CSMD1: variants seen among roughly 807,000 people sequenced by gnomAD.
CSMD1 encodes the protein CUB and sushi domain-containing protein 1.
CSMD1 carries 213 observed loss-of-function variants against 417.5 expected under a neutral mutation model. The observed-to-expected ratio is 0.51, with a 90% confidence interval of 0.46 to 0.57. The LOEUF is 0.57. Ranked by LOEUF, CSMD1 falls within the 20% of genes least tolerant of loss-of-function variation. The pLI is 0.00. For synonymous variants in CSMD1, 2,862 were observed against 1,736.8 expected (o/e 1.65, Z -16.11); for missense variants, 6,923 against 4,529.7 (o/e 1.53, Z -15.17).
intron 7 of CSMD1, among the ~76,000 whole-genome samples, chr8:3,627,463 T>A (rs949148760): frequency 1.3e-5 from 2 of 152,232 alleles, no homozygotes; most frequent in African/African-American, 2.4e-5. Context: ...CTATGTAGGT[T>A]ATTTAAAGTC....
intron 50 of CSMD1, among the ~76,000 whole-genome samples, chr8:3,041,014 A>G (rs1377120528): frequency 6.6e-6 from 1 of 152,120 alleles, no homozygotes; most frequent in African/African-American, 2.4e-5. Flanking sequence ...ATTGCAAAGC[A>G]TTTTTCTTCA....
Position 4,201,887 on chromosome 8 carries a change from T to TGG in CSMD1, c.416-169790_416-169789dup, listed in dbSNP as rs5741962. On this transcript the variant is annotated intron_variant, in intron 3 of 69. Transcript: ENST00000635120. The stretch of plus-strand genomic sequence containing the variant: ...TGATGACCATTATACATGGAAATTT[T>TGG]GGGGGGGGGGGGCGCTGCATTCATT... Among the ~76,000 whole-genome samples, 1,065 of 127,352 alleles carry TGG rather than the reference T, an allele frequency of 8.4e-3. 30 individuals carry two copies. Among genetic ancestry groups the TGG allele is most frequent in the African/African-American group, 0.028 (761 of 27,528 alleles). The allele number at this position is 127,352 out of a possible 152,430, so 83.5% of individuals were successfully genotyped here.
chr8:3,761,744 G>C (rs1033144118), intron 5 of CSMD1, among the ~76,000 whole-genome samples: 7 of 152,036 alleles, frequency 4.6e-5, no homozygotes, highest in African/African-American at 1.7e-4. Flanking sequence ...GATCTCAGGT[G>C]ATCCATCTGC....
chr8:4,232,940 C>G (rs1057388771), intron 3 of CSMD1, among the ~76,000 whole-genome samples: 1 of 152,122 alleles, frequency 6.6e-6, no homozygotes, highest in Non-Finnish European at 1.5e-5. Context: ...AAAAAGTTTT[C>G]TGCAGTCAAG....
chr8:4,242,922 A>G (rs1303585402), intron 3 of CSMD1, among the ~76,000 whole-genome samples: 1 of 152,232 alleles, frequency 6.6e-6, no homozygotes, highest in African/African-American at 2.4e-5. Flanking sequence ...TTTCTGACCC[A>G]GAAAAAAAGA....
chr8:3,344,593 A>G (rs1163350086), intron 22 of CSMD1, among the ~76,000 whole-genome samples: 2 of 152,212 alleles, frequency 1.3e-5, no homozygotes, highest in African/African-American at 2.4e-5. Context: ...TTATTACACG[A>G]TATTGGAAAA....
chr8:3,727,310 G>C (rs1871821), intron 6 of CSMD1, among the ~76,000 whole-genome samples: 27,136 of 152,098 alleles, frequency 0.18, 2,540 homozygotes, highest in East Asian at 0.28. Flanking sequence ...CATCTGCAGA[G>C]CCTCCCGCCT....
intron 1 of CSMD1, among the ~76,000 whole-genome samples, chr8:4,958,494 G>A (rs1809266650): frequency 6.6e-6 from 1 of 152,286 alleles, no homozygotes; most frequent in South Asian, 2.1e-4. Context: ...GAGGCTTACA[G>A]AATCAAGCAC....
chr8:3,776,769 T>A (rs371048782), intron 5 of CSMD1, among the ~76,000 whole-genome samples: 23 of 127,796 alleles, frequency 1.8e-4, no homozygotes, highest in Admixed American at 8.2e-4. Context: ...GATACAGAGA[T>A]GATAGATGAG....
chr8:4,293,677 A>G (rs1206233234), intron 3 of CSMD1, among the ~76,000 whole-genome samples: 3 of 152,192 alleles, frequency 2.0e-5, no homozygotes, highest in African/African-American at 7.2e-5. Flanking sequence ...AATAATAACA[A>G]TCATATCTCA....
At chr8:3,137,898 C>T (rs554111437) in intron 41 of CSMD1, among the ~76,000 whole-genome samples, 4 of 152,250 alleles carry the variant, frequency 2.6e-5, no homozygotes, top group African/African-American at 9.6e-5. Context: ...CCAGGGTATG[C>T]CTGTCAGTCT....
In CSMD1 at chr8:4,701,017, C is replaced by T. The variant is rs115951092; in HGVS notation, c.86-63459G>A. Among the ~76,000 whole-genome samples, 408 of 152,088 alleles carry T rather than the reference C, an allele frequency of 2.7e-3. 5 individuals are homozygous for T. Among genetic ancestry groups the T allele is most frequent in the African/African-American group, 9.2e-3 (383 of 41,490 alleles). On this transcript the variant is annotated intron_variant, in intron 1 of 69. Coordinates refer to ENST00000635120, the MANE Select transcript of CSMD1 (RefSeq NM_033225.6). ...TTAGGAGCTGGGGTTTATCGGTGAA[C>T]GGGAGGCAAACTAGTGAACAAAGTA...
At chr8:3,742,744 A>G (rs1796875627) in intron 6 of CSMD1, among the ~76,000 whole-genome samples, 1 of 152,134 alleles carries the variant, frequency 6.6e-6, no homozygotes, top group South Asian at 2.1e-4. Context: ...GAGAAGAAAA[A>G]AAACAAAAAC....
chr8:4,189,850 A>T (rs1291166460), intron 3 of CSMD1, among the ~76,000 whole-genome samples: 1 of 152,220 alleles, frequency 6.6e-6, no homozygotes, highest in Non-Finnish European at 1.5e-5. Flanking sequence ...TTAACATATT[A>T]ATATTTTTTG....
chr8:4,388,691 G>A (rs1361942960), intron 3 of CSMD1, among the ~76,000 whole-genome samples: 1 of 151,986 alleles, frequency 6.6e-6, no homozygotes, highest in Non-Finnish European at 1.5e-5. Flanking sequence ...AACTCCAATA[G>A]CTCATGGAAA....
At chr8:3,051,730 G>T (rs554802430) in intron 50 of CSMD1, among the ~76,000 whole-genome samples, 4 of 152,170 alleles carry the variant, frequency 2.6e-5, no homozygotes, top group South Asian at 4.2e-4. Flanking sequence ...TTTTAACTTA[G>T]AAAAATTGGG....
chr8:3,581,094 C>T (rs1800363786), intron 9 of CSMD1, among the ~76,000 whole-genome samples: 1 of 152,126 alleles, frequency 6.6e-6, no homozygotes, highest in Non-Finnish European at 1.5e-5. Context: ...ATTAACTCTA[C>T]AGATCAAAGT....
chr8:4,309,888 A>C (rs1473825756), intron 3 of CSMD1, among the ~76,000 whole-genome samples: 1 of 152,200 alleles, frequency 6.6e-6, no homozygotes, highest in African/African-American at 2.4e-5. Context: ...AGGGTCTTAC[A>C]TGTGCTTCAA....
In CSMD1 at chr8:3,719,561, G is replaced by A. The variant is rs138493721; in HGVS notation, c.932-11070C>T. The stretch of plus-strand genomic sequence containing the variant: ...TAACTTCAGTGACTTCTTTTGACAT[G>A]TAAGAGCAATAATACATCTCTTGCA... On this transcript the variant is annotated intron_variant, in intron 6 of 69. Coordinates refer to ENST00000635120, the MANE Select transcript of CSMD1 (RefSeq NM_033225.6). Among the ~76,000 whole-genome samples the A allele has an allele frequency of 3.9e-3, 597 of 152,278 alleles. 2 individuals carry two copies. The highest frequency in any genetic ancestry group is 5.6e-3 in the Non-Finnish European group (384 of 68,034).
Sources: gnomAD v4.1 joint callset for allele counts (sites outside exome capture counted in the v4.1 genomes callset) on GRCh38, gnomAD v4.1.1 for gene constraint, MANE v1.5 for transcripts, NCBI Gene and HGNC (gene_info 2026-07-23, HGNC 2026-07-21) for gene names.